NDUFAF6: variants seen among roughly 807,000 people sequenced by gnomAD.
NDUFAF6 encodes NADH:ubiquinone oxidoreductase complex assembly factor 6.
A neutral mutation model predicts 40.8 loss-of-function variants in NDUFAF6; 45 were observed. The ratio of observed to expected loss-of-function variants is 1.10; its 90% CI spans 0.87 to 1.42. The LOEUF (loss-of-function observed/expected upper bound fraction) is 1.42, where lower values mean the gene tolerates loss of function less well. Ranked by LOEUF, NDUFAF6 falls within the 40% of genes most tolerant of loss-of-function variation. NDUFAF6 has a pLI of 0.00. For synonymous variants in NDUFAF6, 185 were observed against 155.9 expected (o/e 1.19, Z -1.39); for missense variants, 435 against 418.5 (o/e 1.04, Z -0.34).
chr8:94,964,987 A>C (rs563609203), intron 1 of NDUFAF6, among the ~76,000 whole-genome samples: 14 of 152,292 alleles, frequency 9.2e-5, no homozygotes, highest in African/African-American at 3.4e-4. Context: ...GGTATGAGGG[A>C]AATCCCTCCC....
chr8:94,906,443 C>G (rs1818397679), intron 1 of NDUFAF6, among the ~76,000 whole-genome samples: 1 of 152,210 alleles, frequency 6.6e-6, no homozygotes, highest in Admixed American at 6.5e-5. Context: ...ACCCACCACT[C>G]ACCAGCAGGG....
chr8:94,966,255 G>T (rs761200553), intron 1 of NDUFAF6, among the ~76,000 whole-genome samples: 3 of 152,190 alleles, frequency 2.0e-5, no homozygotes, highest in Non-Finnish European at 4.4e-5. Flanking sequence ...GACTTCACAT[G>T]TAAGGCTTAT....
intron 2 of NDUFAF6, among the ~76,000 whole-genome samples, chr8:95,013,436 G>A (rs556551583): frequency 6.6e-6 from 1 of 152,294 alleles, no homozygotes; most frequent in Non-Finnish European, 1.5e-5. Context: ...TCTCCACTGA[G>A]CCTTTAAACT....
intron 2 of NDUFAF6, chr8:95,033,996 A>C: frequency 1.1e-5 from 5 of 457,774 alleles, no homozygotes; most frequent in South Asian, 7.7e-5. Flanking sequence ...CCTCTTGGTT[A>C]TATTTTGAAA....
intron 5 of NDUFAF6, among the ~76,000 whole-genome samples, chr8:95,046,779 CTT>C (rs1830816254): frequency 6.6e-6 from 1 of 152,172 alleles, no homozygotes; most frequent in African/African-American, 2.4e-5. Context: ...GAGGAAAACT[CTT>C]ATTTAAAAGT....
intron 1 of NDUFAF6, among the ~76,000 whole-genome samples, chr8:94,932,434 G>T (rs932997173): frequency 6.6e-6 from 1 of 152,192 alleles, no homozygotes; most frequent in Non-Finnish European, 1.5e-5. Context: ...TAAGAAAACA[G>T]ATATTTACTA....
intron 1 of NDUFAF6, among the ~76,000 whole-genome samples, chr8:94,909,493 G>C (rs993188197): frequency 2.0e-5 from 3 of 151,308 alleles, no homozygotes; most frequent in Non-Finnish European, 4.4e-5. Flanking sequence ...GGGTGTGGTA[G>C]TGGGCGTCTG....
At chr8:94,967,912 G>C (rs1824142829) in intron 1 of NDUFAF6, among the ~76,000 whole-genome samples, 1 of 145,460 alleles carries the variant, frequency 6.9e-6, no homozygotes, top group South Asian at 2.1e-4. Flanking sequence ...TTGTACACTA[G>C]CCTTTGCGAC....
intron 2 of NDUFAF6, among the ~76,000 whole-genome samples, chr8:95,014,731 G>A (rs1827369047): frequency 6.6e-6 from 1 of 152,194 alleles, no homozygotes; most frequent in African/African-American, 2.4e-5. Context: ...ACCAGTCTAT[G>A]AATACTTTAG....
chr8:95,059,149 A>G (rs936795881), downstream of NDUFAF6, among the ~76,000 whole-genome samples: 3 of 152,232 alleles, frequency 2.0e-5, no homozygotes, highest in African/African-American at 4.8e-5. Context: ...CTCTAAATGA[A>G]TCTCACTCTC....
At chr8:94,956,676 GA>G (rs1823102100), upstream of NDUFAF6, among the ~76,000 whole-genome samples, 1 of 152,200 alleles carries the variant, frequency 6.6e-6, no homozygotes, top group African/African-American at 2.4e-5. Context: ...AAGGAAATAA[GA>G]TGCAGTGATT....
At position 95,017,946 on chromosome 8, in the gene NDUFAF6, C is replaced by T. The variant is rs188121005; in HGVS notation, c.-83-14049C>T. Among the ~76,000 whole-genome samples, 387 of 152,316 alleles carry T rather than the reference C, an allele frequency of 2.5e-3. 4 individuals are homozygous for T. The highest frequency in any genetic ancestry group is 8.9e-3 in the African/African-American group (369 of 41,578). On this transcript the variant is annotated intron_variant, in intron 2 of 9. Transcript: ENST00000396111. The stretch of plus-strand genomic sequence containing the variant: ...TGCTCATCTTGGTTTTTCAGTATTA[C>T]AGAAGTTTCCAAACATGAAGAATAT...
chr8:95,109,665 C>T lies in NDUFAF6; in HGVS notation n.345-5871C>T, dbSNP rs181540159. Among the ~76,000 whole-genome samples the T allele has an allele frequency of 2.2e-3, 333 of 152,190 alleles. 3 individuals are homozygous for T. The highest frequency in any genetic ancestry group is 7.6e-3 in the African/African-American group (317 of 41,518). The stretch of plus-strand genomic sequence containing the variant: ...TGTCTGTCCATTTGTCTTCTCATGA[C>T]CCCATATCACTTTGACCTCTTCTTA... On this transcript the variant is annotated intron_variant and non_coding_transcript_variant, in intron 4 of 5. Transcript: ENST00000523184.
intron 1 of NDUFAF6, among the ~76,000 whole-genome samples, chr8:94,971,060 A>G (rs907653842): frequency 6.6e-6 from 1 of 152,254 alleles, no homozygotes; most frequent in African/African-American, 2.4e-5. Context: ...AAGAGTTTGC[A>G]TCTATGATCC....
chr8:95,115,121 G>T (rs2132091098), intron 4 of NDUFAF6, among the ~76,000 whole-genome samples: 1 of 151,962 alleles, frequency 6.6e-6, no homozygotes, highest in Middle Eastern at 3.4e-3. Flanking sequence ...AGCAAATCAT[G>T]TACTCAACTT....
chr8:94,931,189 G>A (rs2131313310), intron 1 of NDUFAF6, among the ~76,000 whole-genome samples: 1 of 152,130 alleles, frequency 6.6e-6, no homozygotes, highest in South Asian at 2.1e-4. Context: ...ACCTTCACAA[G>A]ACATTTCCTG....
chr8:95,088,786 C>T (rs568188163), intron 2 of NDUFAF6, among the ~76,000 whole-genome samples: 4 of 149,076 alleles, frequency 2.7e-5, no homozygotes, highest in Admixed American at 6.7e-5. Context: ...TTTGAGACAG[C>T]GTCTCACTTT....
At chr8:95,060,532 T>C (rs1832546112), downstream of NDUFAF6, among the ~76,000 whole-genome samples, 2 of 152,346 alleles carry the variant, frequency 1.3e-5, no homozygotes, top group South Asian at 4.1e-4. Flanking sequence ...AATGTAACTG[T>C]AGCTAACACT....
chr8:95,048,371 A>G, intron 6 of NDUFAF6, 86 bp from the exon 7 acceptor site: 1 of 915,746 alleles, frequency 1.1e-6, no homozygotes, highest in Non-Finnish European at 1.8e-6. Flanking sequence ...GTTAGTTTTA[A>G]TTGTTAGTTT....
Sources: gnomAD v4.1 joint callset for allele counts (sites outside exome capture counted in the v4.1 genomes callset) on GRCh38, gnomAD v4.1.1 for gene constraint, MANE v1.5 for transcripts, NCBI Gene and HGNC (gene_info 2026-07-23, HGNC 2026-07-21) for gene names.